Variants in EIPR1 observed in about 807,000 individuals in gnomAD.
EIPR1 encodes the protein EARP complex and GARP complex interacting protein 1.
In EIPR1, 25 loss-of-function variants were observed where a neutral mutation model predicts 48.1. The ratio of observed to expected loss-of-function variants is 0.52; its 90% CI spans 0.38 to 0.73. EIPR1 has a LOEUF of 0.73. Among genes scored for constraint, EIPR1 ranks in the 30% least tolerant of loss-of-function variants. EIPR1 has a pLI of 0.00. For synonymous variants in EIPR1, 204 were observed against 201.9 expected (o/e 1.01, Z -0.09); for missense variants, 415 against 506.2 (o/e 0.82, Z 1.73).
chr2:3,295,467 T>TGC (rs1558280368), intron 3 of EIPR1, among the ~76,000 whole-genome samples: 6 of 22,494 alleles, frequency 2.7e-4, no homozygotes, highest in Non-Finnish European at 3.4e-4. Context: ...ATCCTCTCTC[T>TGC]ACACACCCTC....
chr2:3,190,336 C>T (rs1413939949), intron 8 of EIPR1, among the ~76,000 whole-genome samples: 1 of 152,190 alleles, frequency 6.6e-6, no homozygotes, highest in South Asian at 2.1e-4. Flanking sequence ...ACTGCTTTTG[C>T]ATTTCTTTGT....
chr2:3,348,488 C>G (rs1434704703), intron 2 of EIPR1, among the ~76,000 whole-genome samples: 1 of 152,178 alleles, frequency 6.6e-6, no homozygotes, highest in African/African-American at 2.4e-5. Context: ...TGATCACACC[C>G]CCCAGGAAGA....
intron 1 of EIPR1, among the ~76,000 whole-genome samples, chr2:3,368,268 T>C (rs1305202613): frequency 6.6e-6 from 1 of 152,154 alleles, no homozygotes; most frequent in African/African-American, 2.4e-5. Flanking sequence ...ACGCATATCC[T>C]TGTGTGGCTT....
At chr2:3,194,799 A>C (rs1664753292) in intron 6 of EIPR1, among the ~76,000 whole-genome samples, 1 of 151,908 alleles carries the variant, frequency 6.6e-6, no homozygotes, top group South Asian at 2.1e-4. Flanking sequence ...AGCAGTGGGG[A>C]AGGCCATGAA....
intron 4 of EIPR1, among the ~76,000 whole-genome samples, chr2:3,220,800 G>T (rs192554780): frequency 6.7e-6 from 1 of 148,618 alleles, no homozygotes; most frequent in South Asian, 2.2e-4. Flanking sequence ...CGGAACACAC[G>T]CACACAATGG....
intron 5 of EIPR1, chr2:3,208,770 C>T: frequency 6.5e-7 from 1 of 1,548,742 alleles, no homozygotes; most frequent in Admixed American, 2.0e-5. Flanking sequence ...GTGGCGAGTC[C>T]TTCTTCCTTG....
chr2:3,291,982 G>C (rs547292898), intron 3 of EIPR1, among the ~76,000 whole-genome samples: 2 of 152,374 alleles, frequency 1.3e-5, no homozygotes, highest in East Asian at 3.9e-4. Flanking sequence ...ATCCACTCCA[G>C]GGGCACCATG....
intron 3 of EIPR1, among the ~76,000 whole-genome samples, chr2:3,277,418 A>G (rs1667885771): frequency 6.6e-6 from 1 of 152,236 alleles, no homozygotes; most frequent in Non-Finnish European, 1.5e-5. Context: ...AGGTCTGCAG[A>G]AATGCCTTGA....
chr2:3,330,299 G>A (rs974564985), intron 3 of EIPR1, among the ~76,000 whole-genome samples: 7 of 152,242 alleles, frequency 4.6e-5, no homozygotes, highest in Admixed American at 1.3e-4. Context: ...AGCAAGAGAA[G>A]TGGATGAAAG....
chr2:3,247,620 C>T (rs978044773), intron 4 of EIPR1, among the ~76,000 whole-genome samples: 15 of 152,158 alleles, frequency 9.9e-5, no homozygotes, highest in Admixed American at 3.3e-4. Flanking sequence ...GTGCAAAGTG[C>T]TGGGAAGCAT....
At chr2:3,258,918 T>TTTTATTTA (rs566605791) in intron 3 of EIPR1, among the ~76,000 whole-genome samples, 6 of 152,088 alleles carry the variant, frequency 3.9e-5, no homozygotes, top group African/African-American at 9.6e-5. Flanking sequence ...TACAAGGGAA[T>TTTTATTTA]TTTATTTATT....
intron 5 of EIPR1, among the ~76,000 whole-genome samples, chr2:3,200,553 A>T (rs1664994325): frequency 6.6e-6 from 1 of 152,056 alleles, no homozygotes; most frequent in African/African-American, 2.4e-5. Context: ...CACACGGACC[A>T]AGCAGGAAAA....
At chr2:3,348,141 G>A (rs1324346865) in intron 2 of EIPR1, among the ~76,000 whole-genome samples, 1 of 152,156 alleles carries the variant, frequency 6.6e-6, no homozygotes, top group Non-Finnish European at 1.5e-5. Context: ...AATCAAAACA[G>A]ATGCAGAACC....
intron 3 of EIPR1, among the ~76,000 whole-genome samples, chr2:3,322,374 A>G (rs554625149): frequency 6.6e-6 from 1 of 152,242 alleles, no homozygotes; most frequent in Non-Finnish European, 1.5e-5. Flanking sequence ...CGATCACAAC[A>G]AAAGCTCAAA....
chr2:3,208,038 C>T (rs1213021700), intron 5 of EIPR1: 2 of 153,762 alleles, frequency 1.3e-5, no homozygotes, highest in Non-Finnish European at 1.4e-5. Context: ...ATAAAGCTGA[C>T]ATTTATTTTA....
In EIPR1 at chr2:3,362,560, CT is replaced by C. The variant is rs1174899426; in HGVS notation, c.43-7928del. 2.6e-5 allele frequency among the ~76,000 whole-genome samples: 4 copies of C among 151,850 alleles called. No individual in the cohort carries two copies. The Middle Eastern group carries it at 0.01, about 387-fold the overall frequency. On this transcript the variant is annotated intron_variant, in intron 1 of 8. Transcript: ENST00000382125. ...GTGGGCTGAAGGCTTCATTTCTTTCCTGTCAGACTCTGGGAAATCACACAAA... is the reference window on the plus strand; with the variant it reads ...GTGGGCTGAAGGCTTCATTTCTTTCCGTCAGACTCTGGGAAATCACACAAA...
At position 3,267,823 on chromosome 2, in the gene EIPR1, G is replaced by A. The variant is rs1667536810; in HGVS notation, c.260-10368C>T. ...GAAGAATATGAGACAGAGACCGAAT[G>A]GCCTACAAAGCCTAAAATATTTACT... On this transcript the variant is annotated intron_variant, in intron 3 of 8. Transcript: ENST00000382125. Among the ~76,000 whole-genome samples the A allele has an allele frequency of 2.0e-5, 3 of 152,232 alleles. No homozygotes were observed. The South Asian group carries it at 6.2e-4, about 32-fold the overall frequency.
chr2:3,209,056 G>T lies in EIPR1; in HGVS notation c.516+5093C>A. 2.8e-6 allele frequency: 4 copies of T among 1,436,798 alleles called. No individual in the cohort carries two copies. The East Asian group carries it at 1.0e-4, about 36-fold the overall frequency. The allele number at this position is 1,436,798 out of a possible 1,614,324, so 89.0% of individuals were successfully genotyped here. ...CAGCACCATCTTTTCCGGGACGCCT[G>T]CTGGTGGGAAGGCAGGGTGTACACC... On this transcript the variant is annotated intron_variant, in intron 5 of 8. Coordinates refer to ENST00000382125, the MANE Select transcript of EIPR1 (RefSeq NM_003310.5).
chr2:3,231,645 C>T (rs1666247066), intron 4 of EIPR1, among the ~76,000 whole-genome samples: 1 of 152,098 alleles, frequency 6.6e-6, no homozygotes, highest in South Asian at 2.1e-4. Flanking sequence ...CATTTACTGA[C>T]GTGGGTATAT....
Sources: allele counts gnomAD v4.1 joint callset (sites outside exome capture counted in the v4.1 genomes callset), GRCh38; gene constraint gnomAD v4.1.1; transcripts MANE v1.5; gene names NCBI Gene and HGNC (gene_info 2026-07-23, HGNC 2026-07-21).